The following EBF2 variants were observed in gnomAD, a reference collection of about 807,000 sequenced individuals.
The protein encoded by EBF2 is transcription factor COE2.
In EBF2, 21 loss-of-function variants were observed where a neutral mutation model predicts 72.8. The observed-to-expected ratio is 0.29, with a 90% CI of 0.20 to 0.42. EBF2 has a LOEUF of 0.42. EBF2 is among the 10% of genes least tolerant of loss of function. The probability of loss-of-function intolerance (pLI) is 1.00; values close to 1 mark genes in which losing one functional copy is unlikely to be tolerated. For synonymous variants in EBF2, 299 were observed against 274.2 expected (o/e 1.09, Z -0.89); for missense variants, 637 against 731.2 (o/e 0.87, Z 1.49).
At chr8:25,980,184 T>C (rs1472149888) in intron 6 of EBF2, among the ~76,000 whole-genome samples, 1 of 152,110 alleles carries the variant, frequency 6.6e-6, no homozygotes, top group Non-Finnish European at 1.5e-5. Context: ...TCCTTTACCC[T>C]CTCCCATTCC....
At chr8:25,996,931 G>C (rs1391012949) in intron 6 of EBF2, among the ~76,000 whole-genome samples, 2 of 152,112 alleles carry the variant, frequency 1.3e-5, no homozygotes, top group Non-Finnish European at 2.9e-5. Flanking sequence ...GTATAAAAAT[G>C]TTGACTAAAT....
intron 15 of EBF2, among the ~76,000 whole-genome samples, chr8:25,849,658 T>G (rs1205986953): frequency 6.6e-6 from 1 of 152,216 alleles, no homozygotes; most frequent in Non-Finnish European, 1.5e-5. Context: ...TGCTGTCTGC[T>G]GCCCTCCATC....
chr8:25,861,901 C>T (rs536209925), intron 11 of EBF2, among the ~76,000 whole-genome samples: 4 of 152,250 alleles, frequency 2.6e-5, no homozygotes, highest in South Asian at 2.1e-4. Context: ...TTAGTAATCA[C>T]GAATCCCTTT....
chr8:25,863,342 C>T (rs879234698), intron 10 of EBF2, among the ~76,000 whole-genome samples: 1 of 151,900 alleles, frequency 6.6e-6, no homozygotes, highest in South Asian at 2.1e-4. Flanking sequence ...TAACTATCAG[C>T]CCCCCACCCC....
intron 6 of EBF2, among the ~76,000 whole-genome samples, chr8:25,982,545 G>A (rs180816057): frequency 6.6e-6 from 1 of 152,126 alleles, no homozygotes; most frequent in African/African-American, 2.4e-5. Context: ...AAGACTCCAT[G>A]GGCAGGACAC....
intron 15 of EBF2, among the ~76,000 whole-genome samples, chr8:25,849,161 G>A (rs1175654393): frequency 6.6e-6 from 1 of 152,184 alleles, no homozygotes; most frequent in Non-Finnish European, 1.5e-5. Flanking sequence ...ACATTGGGTG[G>A]TATATAGACC....
intron 3 of EBF2, 96 bp downstream of exon 3, chr8:26,040,843 C>G (rs935092413): frequency 2.2e-5 from 35 of 1,564,584 alleles, no homozygotes; most frequent in Non-Finnish European, 3.1e-5. Flanking sequence ...CCCTGGGCTC[C>G]ATGCGATCCC....
intron 10 of EBF2, among the ~76,000 whole-genome samples, chr8:25,874,299 G>T (rs1445699020): frequency 1.3e-5 from 2 of 152,076 alleles, no homozygotes; most frequent in Non-Finnish European, 2.9e-5. Flanking sequence ...GGCTGTTCAG[G>T]GTATGATTTG....
At position 26,038,896 on chromosome 8, in the gene EBF2, T is replaced by C. The variant is rs181554502; in HGVS notation, c.482+1132A>G. ...AGACAGGGCTTCAGGGAGCTGCCCG[T>C]AAAACAGTACACACTAAATCAGATA... On this transcript the variant is annotated intron_variant, in intron 5 of 15. Coordinates refer to ENST00000520164, the MANE Select transcript of EBF2 (RefSeq NM_022659.4). Among the ~76,000 whole-genome samples, 28 of 152,270 alleles carry C rather than the reference T, an allele frequency of 1.8e-4. No homozygotes were observed. In the East Asian group the frequency reaches 3.9e-3, roughly 21 times the overall value.
chr8:25,940,779 G>A (rs1283221203), intron 6 of EBF2, among the ~76,000 whole-genome samples: 1 of 152,032 alleles, frequency 6.6e-6, no homozygotes, highest in Non-Finnish European at 1.5e-5. Context: ...ATTTAAACCA[G>A]GTGAATGCAA....
At chr8:25,889,605 T>C in intron 8 of EBF2, 147 bp downstream of exon 8, 1 of 614,060 alleles carries the variant, frequency 1.6e-6, no homozygotes, top group Non-Finnish European at 2.8e-6. Context: ...CTGGAGTCTG[T>C]GTTTACAACT....
At chr8:25,895,546 C>A (rs139274503) in intron 7 of EBF2, among the ~76,000 whole-genome samples, 1 of 152,180 alleles carries the variant, frequency 6.6e-6, no homozygotes, top group South Asian at 2.1e-4. Flanking sequence ...GTTTTAAGAA[C>A]GGAATCTACA....
At chr8:26,004,786 AT>A (rs1213013980) in intron 6 of EBF2, among the ~76,000 whole-genome samples, 3 of 152,046 alleles carry the variant, frequency 2.0e-5, no homozygotes, top group South Asian at 2.1e-4. Flanking sequence ...TTTAAAAAAA[AT>A]AACAGTCCAC....
chr8:25,908,391 A>C lies in EBF2; in HGVS notation c.633+83T>G. The C allele has an allele frequency of 2.7e-6, 3 of 1,101,898 alleles. No homozygotes were observed. In the East Asian group the frequency reaches 7.2e-5, roughly 27 times the overall value. The allele number at this position is 1,101,898 out of a possible 1,614,324, so 68.3% of individuals were successfully genotyped here. On this transcript the variant is annotated intron_variant, in intron 7 of 15. Transcript: ENST00000520164. Reference sequence around the variant, plus strand: ...GAGTAGCAGTGAATAGTAATTTTTAAAGAAAAAGAAAATAAAAAGAGTGAG... The same window carrying C: ...GAGTAGCAGTGAATAGTAATTTTTACAGAAAAAGAAAATAAAAAGAGTGAG...
intron 6 of EBF2, among the ~76,000 whole-genome samples, chr8:25,967,714 G>A (rs1804136207): frequency 6.6e-6 from 1 of 152,188 alleles, no homozygotes; most frequent in African/African-American, 2.4e-5. Flanking sequence ...TCCTTACTCT[G>A]TCTCCATGAA....
chr8:26,039,876 C>T, intron 5 of EBF2, 152 bp downstream of exon 5: 3 of 680,642 alleles, frequency 4.4e-6, no homozygotes, highest in Non-Finnish European at 7.6e-6. Context: ...GAAGGGGTTT[C>T]CGTGGATCTA....
chr8:26,043,412 G>A (rs1805642272), intron 1 of EBF2, among the ~76,000 whole-genome samples: 1 of 152,274 alleles, frequency 6.6e-6, no homozygotes, highest in Non-Finnish European at 1.5e-5. Context: ...AGGAAGGAAA[G>A]CGAGGGAGGC....
chr8:25,987,909 C>T (rs1804487381), intron 6 of EBF2, among the ~76,000 whole-genome samples: 1 of 151,790 alleles, frequency 6.6e-6, no homozygotes, highest in African/African-American at 2.4e-5. Flanking sequence ...TCATAATCAT[C>T]TTCATTGTCA....
chr8:25,931,987 A>T (rs912735836), intron 6 of EBF2, among the ~76,000 whole-genome samples: 1 of 152,098 alleles, frequency 6.6e-6, no homozygotes, highest in Non-Finnish European at 1.5e-5. Context: ...AGAGAGTTTG[A>T]TTGGCTTTGA....
Sources: gnomAD v4.1 joint callset for allele counts (sites outside exome capture counted in the v4.1 genomes callset) on GRCh38, gnomAD v4.1.1 for gene constraint, MANE v1.5 for transcripts, NCBI Gene and HGNC (gene_info 2026-07-23, HGNC 2026-07-21) for gene names.